Variants in ZNF536 observed in about 807,000 individuals in gnomAD.
ZNF536 encodes the protein zinc finger protein 536.
Under a neutral mutation model 84.5 loss-of-function variants are expected in ZNF536, and 13 were observed. The ratio of observed to expected loss-of-function variants is 0.15; its 90% CI spans 0.10 to 0.24. The LOEUF is 0.24. Ranked by LOEUF, ZNF536 falls within the 10% of genes least tolerant of loss-of-function variation. ZNF536 has a pLI of 1.00. For synonymous variants in ZNF536, 811 were observed against 742.5 expected, an observed-to-expected ratio of 1.09 and a Z score of -1.50; for missense variants, 1,536 against 1,747.5, an observed-to-expected ratio of 0.88 and a Z score of 2.16.
intron 1 of ZNF536, among the ~76,000 whole-genome samples, chr19:30,406,837 A>C (rs2147615530): frequency 6.6e-6 from 1 of 152,268 alleles, no homozygotes; most frequent in South Asian, 2.1e-4. Flanking sequence ...CTATCATGTC[A>C]GTTTCTCATG....
At position 30,531,374 on chromosome 19, in the gene ZNF536, C is replaced by T. The variant is rs115616243; in HGVS notation, c.2171-3473C>T. On this transcript the variant is annotated intron_variant, in intron 2 of 4. Transcript: ENST00000355537. ...ATTTTTATCTGTAATGTGGCCTGGG[C>T]AAGTCCTTCCCAAAAGCTCCAGGAG... Among the ~76,000 whole-genome samples, 270 of 152,066 alleles carry T rather than the reference C, an allele frequency of 1.8e-3. 2 individuals are homozygous for T. Among genetic ancestry groups the T allele is most frequent in the African/African-American group, 6.1e-3 (254 of 41,494 alleles).
intron 2 of ZNF536, among the ~76,000 whole-genome samples, chr19:30,348,041 A>G (rs1313341687): frequency 3.9e-5 from 6 of 152,202 alleles, no homozygotes; most frequent in Non-Finnish European, 5.9e-5. Flanking sequence ...TCCATTCATG[A>G]AGTATTTTTG....
chr19:30,499,879 G>T (rs1448316529), intron 2 of ZNF536, among the ~76,000 whole-genome samples: 1 of 152,152 alleles, frequency 6.6e-6, no homozygotes, highest in Non-Finnish European at 1.5e-5. Flanking sequence ...AGGGGCAAGG[G>T]AGGGATGGTG....
chr19:30,664,299 C>G (rs1027590857), intron 1 of ZNF536, among the ~76,000 whole-genome samples: 2 of 147,418 alleles, frequency 1.4e-5, no homozygotes, highest in African/African-American at 5.0e-5. Flanking sequence ...GCTGCTAGAA[C>G]CAGCCTGTCC....
At chr19:30,566,155 G>C (rs752642246) in intron 1 of ZNF536, among the ~76,000 whole-genome samples, 3 of 152,158 alleles carry the variant, frequency 2.0e-5, no homozygotes, top group African/African-American at 7.2e-5. Flanking sequence ...AGTCAGCCAC[G>C]GCTCCTAACC....
chr19:30,541,095 G>A (rs1479133008), intron 3 of ZNF536, among the ~76,000 whole-genome samples: 1 of 152,232 alleles, frequency 6.6e-6, no homozygotes, highest in East Asian at 1.9e-4. Context: ...TCATGCTATG[G>A]TGGAAACCAC....
At chr19:30,508,624 GA>G (rs1459420390) in intron 2 of ZNF536, among the ~76,000 whole-genome samples, 1 of 151,824 alleles carries the variant, frequency 6.6e-6, no homozygotes, top group Non-Finnish European at 1.5e-5. Context: ...TAATTTCTAA[GA>G]GGCCTACAAC....
chr19:30,384,185 C>CTCCT (rs139525043), intron 1 of ZNF536, among the ~76,000 whole-genome samples: 1 of 57,250 alleles, frequency 1.7e-5, no homozygotes, highest in Admixed American at 2.1e-4. Flanking sequence ...TTCTTTCTTT[C>CTCCT]TCCTTCCTTC....
intron 1 of ZNF536, among the ~76,000 whole-genome samples, chr19:30,565,651 A>G (rs2046323715): frequency 6.6e-6 from 1 of 152,162 alleles, no homozygotes; most frequent in Non-Finnish European, 1.5e-5. Flanking sequence ...TGAATAGTGA[A>G]CGCTGTACAC....
Position 30,532,051 on chromosome 19 carries a change from G to A in ZNF536, c.2171-2796G>A, listed in dbSNP as rs550363497. Among the ~76,000 whole-genome samples, 26 of 152,160 alleles carry A rather than the reference G, an allele frequency of 1.7e-4. 3 individuals are homozygous for A. In the South Asian group the frequency reaches 4.4e-3, roughly 26 times the overall value. On this transcript the variant is annotated intron_variant, in intron 2 of 4. Coordinates refer to ENST00000355537, the MANE Select transcript of ZNF536 (RefSeq NM_014717.3). Reference sequence around the variant, plus strand: ...TGGCTCCTTGCTACTGCTCTCTGGCGGGCTCCTCTGGAAGAAGCTTTATGG... The same window carrying A: ...TGGCTCCTTGCTACTGCTCTCTGGCAGGCTCCTCTGGAAGAAGCTTTATGG...
At position 30,548,243 on chromosome 19, in the gene ZNF536, G is replaced by A. The variant is rs754999291; in HGVS notation, c.2624G>A (p.Gly875Asp). The A allele has an allele frequency of 3.1e-6, 5 of 1,614,128 alleles. No homozygotes were observed. The highest frequency in any genetic ancestry group is 1.1e-5 in the South Asian group (1 of 91,088). Residue 875 changes from glycine (G) to aspartate (D), a missense_variant, in exon 4 of 5, where the codon GGC (glycine) becomes GAC (aspartate). Around this residue, in one of 8 missense-constraint regions of ZNF536, gnomAD observed 624 missense variants for 603.1 expected, o/e 1.03. Transcript: ENST00000355537. ...GGAGATCACTCGGGGCAGGCCACGG[G>A]CATGTCTTCGGAGGTCCCCTCAGAT... ...SSGDHSGQAT[G>D]MSSEVPSDAL...
At chr19:30,235,324 C>T (rs1187486822) in intron 1 of ZNF536, among the ~76,000 whole-genome samples, 2 of 152,224 alleles carry the variant, frequency 1.3e-5, no homozygotes, top group African/African-American at 4.8e-5. Flanking sequence ...CTTGTTTGCA[C>T]TCCTGCCTCC....
In ZNF536 at chr19:30,387,073, G is replaced by C. The variant is rs1600509682; in HGVS notation, c.-3+14517G>C. ...GGTCTGTTTGATGTGTGATTGAAGT[G>C]TCAGTGGAGACACACAGAGAAAAGG... is the stretch of plus-strand genomic sequence containing the variant. On this transcript the variant is annotated intron_variant, in intron 1 of 4. Transcript: ENST00000355537. Among the ~76,000 whole-genome samples the C allele has an allele frequency of 2.0e-5, 3 of 152,210 alleles. No individual in the cohort carries two copies. The East Asian group carries it at 5.8e-4, about 29-fold the overall frequency.
chr19:30,534,777 T>TCATTAAAAAA, intron 2 of ZNF536, 70 bp from the exon 3 acceptor site: 1 of 1,489,750 alleles, frequency 6.7e-7, no homozygotes, highest in Non-Finnish European at 9.0e-7. Flanking sequence ...TGTGTGGTGT[T>TCATTAAAAAA]AGCAGTTTTG....
chr19:30,423,889 T>C (rs1218499725), intron 1 of ZNF536, among the ~76,000 whole-genome samples: 2 of 151,922 alleles, frequency 1.3e-5, no homozygotes, highest in African/African-American at 2.4e-5. Context: ...GATGGGGATT[T>C]CAGGGGGTCA....
intron 2 of ZNF536, among the ~76,000 whole-genome samples, chr19:30,499,034 T>TTC (rs200831898): frequency 0.22 from 24,285 of 111,084 alleles, 2,316 homozygotes; most frequent in Middle Eastern, 0.28. Flanking sequence ...CTTTTTCTTC[T>TTC]TTTTTTTTTT....
At chr19:30,504,973 T>G (rs980587824) in intron 2 of ZNF536, among the ~76,000 whole-genome samples, 1 of 152,054 alleles carries the variant, frequency 6.6e-6, no homozygotes, top group Non-Finnish European at 1.5e-5. Flanking sequence ...ATTCAAAAGT[T>G]GTTTTGGTTT....
chr19:30,571,038 T>G (rs537773020), intron 1 of ZNF536, among the ~76,000 whole-genome samples: 1 of 152,316 alleles, frequency 6.6e-6, no homozygotes, highest in African/African-American at 2.4e-5. Context: ...GTGGAGTGTC[T>G]AACTGGCCCC....
intron 2 of ZNF536, among the ~76,000 whole-genome samples, chr19:30,473,908 C>G (rs1427336401): frequency 6.6e-6 from 1 of 152,230 alleles, no homozygotes; most frequent in Non-Finnish European, 1.5e-5. Flanking sequence ...GCTTGTGTGG[C>G]CTTCAGCAAG....
Sources: allele counts gnomAD v4.1 joint callset (sites outside exome capture counted in the v4.1 genomes callset), GRCh38; gene constraint gnomAD v4.1.1; regional missense constraint gnomAD v4.1.1; transcripts MANE v1.5; gene names NCBI Gene and HGNC (gene_info 2026-07-23, HGNC 2026-07-21).